The following CCAR1 variants were observed in gnomAD, a reference collection of about 807,000 sequenced individuals.
CCAR1 encodes the protein cell division cycle and apoptosis regulator protein 1.
A neutral mutation model predicts 163.8 loss-of-function variants in CCAR1; 78 were observed. The ratio of observed to expected loss-of-function variants is 0.48; its 90% CI spans 0.40 to 0.57. The LOEUF (loss-of-function observed/expected upper bound fraction) is 0.57, where lower values mean the gene tolerates loss of function less well. Among genes scored for constraint, CCAR1 ranks in the 20% least tolerant of loss-of-function variants. The pLI, the probability that CCAR1 is intolerant of heterozygous loss-of-function variation, is 0.00. For synonymous variants in CCAR1, 443 were observed against 460.7 expected, an observed-to-expected ratio of 0.96 and a Z score of 0.49; for missense variants, 1,019 against 1,365.2, an observed-to-expected ratio of 0.75 and a Z score of 4.00.
At chr10:68,729,451 A>G (rs2056002025) in intron 2 of CCAR1, among the ~76,000 whole-genome samples, 1 of 151,614 alleles carries the variant, frequency 6.6e-6, no homozygotes, top group South Asian at 2.1e-4. Context: ...TTGTATTTTT[A>G]GTAGAGTCAG....
Position 68,771,347 on chromosome 10 carries a change from A to G in CCAR1, c.2440A>G (p.Lys814Glu), listed in dbSNP as rs2056599967. 6 of 1,603,730 alleles carry G rather than the reference A, an allele frequency of 3.7e-6. No individual in the cohort carries two copies. The highest frequency in any genetic ancestry group is 5.1e-6 in the Non-Finnish European group (6 of 1,173,844). Reference protein sequence around the residue: ...KKSKKDERKDKKEERDDETDE... With the variant: ...KKSKKDERKDEKEERDDETDE... ...AAGCAAAAAAGATGAGAGAAAAGAT[A>G]AAAAAGAAGAAAGAGATGATGAAAC... Residue 814 changes from lysine (K) to glutamate (E), a missense_variant, in exon 18 of 25, where the codon AAA (lysine) becomes GAA (glutamate). Lys to Glu is a moderately conservative substitution (Grantham distance 56). Around this residue, in one of 4 missense-constraint regions of CCAR1, gnomAD observed 358 missense variants for 406.4 expected, o/e 0.88. Transcript: ENST00000265872.
intron 6 of CCAR1, among the ~76,000 whole-genome samples, chr10:68,745,934 G>A (rs191466083): frequency 1.4e-3 from 210 of 151,916 alleles, no homozygotes; most frequent in Non-Finnish European, 2.5e-3. Context: ...ACTGTACCTG[G>A]CCATCTACTT....
chr10:68,783,330 C>A (rs188433453), intron 19 of CCAR1, among the ~76,000 whole-genome samples: 4 of 152,176 alleles, frequency 2.6e-5, no homozygotes, highest in Admixed American at 2.0e-4. Flanking sequence ...GCCACCACCA[C>A]GCCTGGCTAA....
chr10:68,786,357 A>T (rs1463117536), intron 20 of CCAR1, 139 bp downstream of exon 20: 6 of 751,570 alleles, frequency 8.0e-6, no homozygotes, highest in Non-Finnish European at 1.3e-5. Context: ...TTTTGTGGCT[A>T]TGTCAGATAA....
Position 68,757,283 on chromosome 10 carries a change from TTGTA to T in CCAR1, c.1837-7_1837-4del, listed in dbSNP as rs2056407013. On this transcript the variant is annotated splice_polypyrimidine_tract_variant and splice_region_variant and intron_variant, in intron 14 of 24. Coordinates refer to ENST00000265872, the MANE Select transcript of CCAR1 (RefSeq NM_018237.4). Reference sequence around the variant, plus strand: ...CATAATAGTAATTACATTCTTAACTTTGTATGTCAGGATGAAGAAGAGAAGGATG... The same window carrying T: ...CATAATAGTAATTACATTCTTAACTTTGTCAGGATGAAGAAGAGAAGGATG... 3 of 1,410,872 alleles carry T rather than the reference TTGTA, an allele frequency of 2.1e-6. No individual in the cohort carries two copies. Among genetic ancestry groups the T allele is most frequent in the Non-Finnish European group, 3.0e-6 (3 of 1,001,492 alleles). 87.4% of individuals were successfully genotyped at this position (1,410,872 alleles called of 1,614,324 possible).
chr10:68,758,540 G>C (rs1389864943), intron 15 of CCAR1, among the ~76,000 whole-genome samples: 1 of 142,902 alleles, frequency 7.0e-6, no homozygotes, highest in Admixed American at 6.9e-5. Context: ...GTGTGTGTGT[G>C]TGTGTATACA....
intron 1 of CCAR1, chr10:68,721,635 G>A: frequency 2.3e-6 from 1 of 443,622 alleles, no homozygotes; most frequent in Non-Finnish European, 4.5e-6. Flanking sequence ...TCCCGGCGGC[G>A]TGGGTCTTGG....
Position 68,760,993 on chromosome 10 carries a change from C to A in CCAR1, c.1921-14C>A. The A allele has an allele frequency of 1.0e-6, 1 of 972,132 alleles. No homozygotes were observed. The highest frequency in any genetic ancestry group is 1.3e-6 in the Non-Finnish European group (1 of 756,920). The allele number at this position is 972,132 out of a possible 1,614,324, so 60.2% of individuals were successfully genotyped here. On this transcript the variant is annotated splice_polypyrimidine_tract_variant and intron_variant, in intron 15 of 24. Coordinates refer to ENST00000265872, the MANE Select transcript of CCAR1 (RefSeq NM_018237.4). ...CCTTTTTTTTTTCCGTGTTTTTCTG[C>A]TCCATATATTCAGGTAAATGACCTC...
chr10:68,726,129 A>G (rs538604796), intron 2 of CCAR1, among the ~76,000 whole-genome samples: 86 of 147,712 alleles, frequency 5.8e-4, no homozygotes, highest in African/African-American at 1.8e-3. Context: ...AAAAAAAAAA[A>G]AAAAGAAATG....
At chr10:68,767,517 A>ATT (rs1023824967) in intron 17 of CCAR1, among the ~76,000 whole-genome samples, 1 of 152,108 alleles carries the variant, frequency 6.6e-6, no homozygotes, top group Non-Finnish European at 1.5e-5. Context: ...AATTGCTGAG[A>ATT]TTACAGGCGT....
In CCAR1 at chr10:68,756,648, T is replaced by C. The variant is rs1314054965; in HGVS notation, c.1836+165T>C. The C allele has an allele frequency of 5.6e-6, 4 of 709,352 alleles. No homozygotes were observed. The highest frequency in any genetic ancestry group is 1.0e-5 in the Non-Finnish European group (4 of 394,676). 43.9% of individuals were successfully genotyped at this position (709,352 alleles called of 1,614,324 possible). On this transcript the variant is annotated intron_variant, in intron 14 of 24. Transcript: ENST00000265872. This position sits in a 1 kb window ranked among gnomAD's most constrained non-coding sequence, Gnocchi z 5.1. ...CAGTATAGTTGTATGTTCTTTTCTC[T>C]TAAAATTTCTGTCTTATTATCCTAA...
Position 68,737,018 on chromosome 10 carries a change from A to G in CCAR1, c.216A>G (p.Gln72=). 1.9e-6 allele frequency: 3 copies of G among 1,613,768 alleles called. No individual in the cohort carries two copies. Among genetic ancestry groups the G allele is most frequent in the Non-Finnish European group, 2.5e-6 (3 of 1,179,728 alleles). ...CACAAACTGCTGCATTGCAGCAACA[A>G]GCCGCAGCTGCAGCAGCTGCATTAC... ...QLTQTAALQQ[Q]AAAAAAALQQ... is the part of the protein sequence containing the mutation. Residue 72 remains glutamine (Q), a synonymous_variant, in exon 3 of 25, where the codon CAA becomes CAG. Coordinates refer to ENST00000265872, the MANE Select transcript of CCAR1 (RefSeq NM_018237.4).
chr10:68,729,829 G>C (rs2056009859), intron 2 of CCAR1, among the ~76,000 whole-genome samples: 1 of 152,058 alleles, frequency 6.6e-6, no homozygotes, highest in South Asian at 2.1e-4. Context: ...TGAACTCTTG[G>C]ATGGAAGCAG....
intron 19 of CCAR1, among the ~76,000 whole-genome samples, chr10:68,779,844 C>A (rs1398266866): frequency 6.6e-6 from 1 of 152,104 alleles, no homozygotes; most frequent in Non-Finnish European, 1.5e-5. Context: ...AGTTAAAATT[C>A]TGTGCACCCA....
In CCAR1 at chr10:68,786,611, T is replaced by TA; in HGVS notation, c.2799_2800insA (p.Gln934ThrfsTer9). ...TGTTAATGGCTTTTGTTTATTTTGA[T>TA]CAAAGTCATTGTGGTTACCTTCTTG... On this transcript the variant is annotated frameshift_variant, in exon 21 of 25. Coordinates refer to ENST00000265872, the MANE Select transcript of CCAR1 (RefSeq NM_018237.4). LOFTEE classifies it high-confidence loss of function. The TA allele has an allele frequency of 6.2e-7, 1 of 1,602,890 alleles. No homozygotes were observed. Among genetic ancestry groups the TA allele is most frequent in the Non-Finnish European group, 8.5e-7 (1 of 1,174,140 alleles).
At position 68,771,835 on chromosome 10, in the gene CCAR1, A is replaced by G. The variant is rs569560297; in HGVS notation, c.2538+390A>G. On this transcript the variant is annotated intron_variant, in intron 18 of 24. Coordinates refer to ENST00000265872, the MANE Select transcript of CCAR1 (RefSeq NM_018237.4). Reference sequence around the variant, plus strand: ...TCAAATTAAGCCAATATGAGCATCTACAGCTAGTTTTCTAATACTTTATTC... The same window carrying G: ...TCAAATTAAGCCAATATGAGCATCTGCAGCTAGTTTTCTAATACTTTATTC... 5.9e-5 allele frequency among the ~76,000 whole-genome samples: 9 copies of G among 152,240 alleles called. No individual in the cohort carries two copies. In the South Asian group the frequency reaches 1.7e-3, roughly 28 times the overall value.
At chr10:68,736,743 CCATAT>C in intron 2 of CCAR1, 128 bp from the exon 3 acceptor site, 1 of 662,554 alleles carries the variant, frequency 1.5e-6, no homozygotes, top group Admixed American at 3.1e-5. Flanking sequence ...TAGGTTGATT[CCATAT>C]CTTGACTATT....
At chr10:68,745,573 C>T (rs1218675662) in intron 6 of CCAR1, among the ~76,000 whole-genome samples, 1 of 151,734 alleles carries the variant, frequency 6.6e-6, no homozygotes, top group Admixed American at 6.6e-5. Flanking sequence ...AAACAATTCT[C>T]CTGCCTCAGC....
chr10:68,769,668 G>C (rs1427100509), intron 17 of CCAR1, among the ~76,000 whole-genome samples: 1 of 152,108 alleles, frequency 6.6e-6, no homozygotes, highest in Non-Finnish European at 1.5e-5. Context: ...TAGGCCAGGC[G>C]TGGTGGCTCA....
Sources: allele counts gnomAD v4.1 joint callset (sites outside exome capture counted in the v4.1 genomes callset), GRCh38; gene constraint gnomAD v4.1.1; regional missense constraint gnomAD v4.1.1; non-coding constraint Gnocchi (gnomAD v3.1); transcripts MANE v1.5; gene names NCBI Gene and HGNC (gene_info 2026-07-23, HGNC 2026-07-21).